The following PCCA variants were observed in gnomAD, a reference collection of about 807,000 sequenced individuals.
The protein encoded by PCCA is propionyl-CoA carboxylase subunit alpha, also known as propionyl-CoA carboxylase alpha chain, mitochondrial.
In PCCA, 74 loss-of-function variants were observed where a neutral mutation model predicts 101.3. That is an observed-to-expected ratio of 0.73 (90% CI 0.61 to 0.89). The LOEUF (loss-of-function observed/expected upper bound fraction) is 0.89. PCCA is among the 40% of genes least tolerant of loss of function. The pLI is 0.00. For missense variants in PCCA, 891 were observed against 907.0 expected (o/e 0.98, Z 0.23); for synonymous variants, 294 against 313.6 (o/e 0.94, Z 0.66).
intron 4 of PCCA, among the ~76,000 whole-genome samples, chr13:100,143,321 A>G (rs1476554117): frequency 6.6e-6 from 1 of 152,044 alleles, no homozygotes; most frequent in Non-Finnish European, 1.5e-5. Flanking sequence ...TTTGAGGGTC[A>G]GGAGTTTGAG....
At chr13:100,207,391 TA>T (rs2058925937) in intron 6 of PCCA, among the ~76,000 whole-genome samples, 1 of 152,134 alleles carries the variant, frequency 6.6e-6, no homozygotes, top group African/African-American at 2.4e-5. Context: ...TTTTTGTATT[TA>T]TTTTTTTGAG....
intron 9 of PCCA, 102 bp downstream of exon 9, chr13:100,257,775 C>T: frequency 3.9e-6 from 3 of 775,910 alleles, no homozygotes; most frequent in East Asian, 2.6e-5. Flanking sequence ...GGAGTAATTA[C>T]AGTAACCATC....
At chr13:100,203,273 CAAAAAAAAAAA>C (rs998482300) in intron 6 of PCCA, among the ~76,000 whole-genome samples, 3 of 64,252 alleles carry the variant, frequency 4.7e-5, no homozygotes, top group African/African-American at 1.6e-4. Flanking sequence ...GACTCCGTCT[CAAAAAAAAAAA>C]AAAAAAGAAA....
At chr13:100,387,572 T>C (rs1315624199) in intron 19 of PCCA, among the ~76,000 whole-genome samples, 1 of 152,190 alleles carries the variant, frequency 6.6e-6, no homozygotes, top group Non-Finnish European at 1.5e-5. Flanking sequence ...AGCTAAAGAA[T>C]ATCCTTTCAA....
intron 4 of PCCA, among the ~76,000 whole-genome samples, chr13:100,147,829 C>G (rs185510485): frequency 1.3e-5 from 2 of 152,258 alleles, no homozygotes; most frequent in Admixed American, 1.3e-4. Flanking sequence ...TACTTTCACT[C>G]TGGCTTGTCC....
At chr13:100,369,118 A>T (rs929403414) in intron 19 of PCCA, among the ~76,000 whole-genome samples, 1 of 152,188 alleles carries the variant, frequency 6.6e-6, no homozygotes, top group African/African-American at 2.4e-5. Context: ...CAGTGTTTAT[A>T]CTGTAGTATG....
intron 18 of PCCA, among the ~76,000 whole-genome samples, chr13:100,353,619 C>T (rs868583473): frequency 6.6e-6 from 1 of 152,114 alleles, no homozygotes; most frequent in Middle Eastern, 3.4e-3. Flanking sequence ...TGCACATAAG[C>T]AGTGCTTAGA....
At chr13:100,336,328 G>T (rs1026950516) in intron 17 of PCCA, among the ~76,000 whole-genome samples, 1 of 152,104 alleles carries the variant, frequency 6.6e-6, no homozygotes, top group African/African-American at 2.4e-5. Flanking sequence ...GGGAACCAGC[G>T]CGTAGCTGTT....
At chr13:100,091,485 C>G (rs1346503979) in intron 1 of PCCA, among the ~76,000 whole-genome samples, 1 of 152,180 alleles carries the variant, frequency 6.6e-6, no homozygotes, top group Non-Finnish European at 1.5e-5. Context: ...TGGGAAGCAT[C>G]TCTGAAGTTC....
intron 6 of PCCA, among the ~76,000 whole-genome samples, chr13:100,160,225 G>A (rs1278185588): frequency 5.3e-5 from 8 of 152,026 alleles, no homozygotes; most frequent in African/African-American, 1.2e-4. Flanking sequence ...CATGTGGGCC[G>A]GGCGCGGTGG....
chr13:100,349,865 G>C (rs984169246), intron 18 of PCCA, among the ~76,000 whole-genome samples: 1 of 152,150 alleles, frequency 6.6e-6, no homozygotes, highest in Non-Finnish European at 1.5e-5. Context: ...TGGGTTCTTT[G>C]TATGTGCAGT....
chr13:100,117,978 T>C (rs1371226621), intron 4 of PCCA, among the ~76,000 whole-genome samples: 1 of 151,544 alleles, frequency 6.6e-6, no homozygotes, highest in Non-Finnish European at 1.5e-5. Flanking sequence ...TAGCCAGGCG[T>C]GGTGGCAGGC....
At chr13:100,363,986 A>G (rs1217763172) in intron 18 of PCCA, among the ~76,000 whole-genome samples, 2 of 152,208 alleles carry the variant, frequency 1.3e-5, no homozygotes, top group Non-Finnish European at 2.9e-5. Flanking sequence ...GAGCATATTC[A>G]TCCTGGCTGG....
At chr13:100,236,195 ATG>A (rs913176198) in intron 8 of PCCA, among the ~76,000 whole-genome samples, 3 of 152,202 alleles carry the variant, frequency 2.0e-5, no homozygotes, top group African/African-American at 7.2e-5. Flanking sequence ...ACATAGTTGA[ATG>A]TGGTTTGTTA....
chr13:100,457,863 C>G (rs1051481325), intron 21 of PCCA, among the ~76,000 whole-genome samples: 15 of 152,240 alleles, frequency 9.9e-5, no homozygotes, highest in African/African-American at 3.6e-4. Flanking sequence ...CCATGCCCCC[C>G]TTGGAGGTTG....
chr13:100,507,414 C>T (rs1187039462), intron 21 of PCCA, among the ~76,000 whole-genome samples: 2 of 152,288 alleles, frequency 1.3e-5, no homozygotes, highest in East Asian at 1.9e-4. Context: ...AACAGACTTG[C>T]TCCTTGGGAA....
chr13:100,207,815 C>G (rs114567619), intron 6 of PCCA, among the ~76,000 whole-genome samples: 39 of 151,892 alleles, frequency 2.6e-4, no homozygotes, highest in African/African-American at 9.4e-4. Flanking sequence ...ATTAAGAGGT[C>G]GAGATCATCC....
intron 19 of PCCA, among the ~76,000 whole-genome samples, chr13:100,386,529 C>A (rs904180902): frequency 6.6e-6 from 1 of 152,140 alleles, no homozygotes; most frequent in Non-Finnish European, 1.5e-5. Context: ...CTACAGATGC[C>A]TGCCACCATG....
chr13:100,465,130 TC>T (rs968010262), intron 21 of PCCA, among the ~76,000 whole-genome samples: 3 of 152,212 alleles, frequency 2.0e-5, no homozygotes, highest in Non-Finnish European at 2.9e-5. Context: ...GACCAGGAAA[TC>T]CTGGTGAAAA....
Sources: allele counts gnomAD v4.1 joint callset (sites outside exome capture counted in the v4.1 genomes callset), GRCh38; gene constraint gnomAD v4.1.1; transcripts MANE v1.5; gene names NCBI Gene and HGNC (gene_info 2026-07-23, HGNC 2026-07-21).